The following VAMP4 variants were observed in gnomAD, a reference collection of about 807,000 sequenced individuals.
The protein encoded by VAMP4 is vesicle-associated membrane protein 4.
Under a neutral mutation model 23.5 loss-of-function variants are expected in VAMP4, and 19 were observed. That is an observed-to-expected ratio of 0.81 (90% CI 0.56 to 1.19). The LOEUF (loss-of-function observed/expected upper bound fraction) is 1.19, where lower values mean the gene tolerates loss of function less well. VAMP4 is among the 50% of genes most tolerant of loss of function. The pLI, the probability that VAMP4 is intolerant of heterozygous loss-of-function variation, is 0.00. For synonymous variants in VAMP4, 31 were observed against 51.0 expected (o/e 0.61, Z 1.67); for missense variants, 145 against 168.6 (o/e 0.86, Z 0.78).
At chr1:171,715,365 C>A (rs559026000) in intron 4 of VAMP4, among the ~76,000 whole-genome samples, 4 of 152,086 alleles carry the variant, frequency 2.6e-5, no homozygotes, top group African/African-American at 9.7e-5. Flanking sequence ...TAGAGTCTGA[C>A]GGCACCTGTA....
rs189287642 is a variant in VAMP4 at position 171,723,406 on chromosome 1, A to G, written c.114-4185T>C. ...TTATTTCATCCCTTATCTGCAACAT[A>G]TAAGACACACATTCCCAGAGCAGCC... On this transcript the variant is annotated intron_variant, in intron 3 of 7. Coordinates refer to ENST00000236192, the MANE Select transcript of VAMP4 (RefSeq NM_003762.5). Among the ~76,000 whole-genome samples, 81 of 152,352 alleles carry G rather than the reference A, an allele frequency of 5.3e-4. 1 individual carries two copies. The highest frequency in any genetic ancestry group is 1.9e-3 in the African/African-American group (79 of 41,586).
chr1:171,741,754 C>A (rs1655930609), intron 1 of VAMP4, among the ~76,000 whole-genome samples, 156 bp downstream of exon 1: 1 of 152,232 alleles, frequency 6.6e-6, no homozygotes, highest in African/African-American at 2.4e-5. Context: ...CACCCCCGGC[C>A]CCAACCTTTT....
rs75002037 is a variant in VAMP4 at position 171,712,810 on chromosome 1, T to C, written c.165-1996A>G. 4.5e-4 allele frequency among the ~76,000 whole-genome samples: 68 copies of C among 152,338 alleles called. No homozygotes were observed. In the East Asian group the frequency reaches 0.013, roughly 29 times the overall value. ...CAAATAATGAGAACCTACTATGTACTGTTTTAGGTACTGAGGAAATAACAT... is the reference window on the plus strand; with the variant it reads ...CAAATAATGAGAACCTACTATGTACCGTTTTAGGTACTGAGGAAATAACAT... On this transcript the variant is annotated intron_variant, in intron 4 of 7. Transcript: ENST00000236192.
intron 1 of VAMP4, among the ~76,000 whole-genome samples, chr1:171,741,669 C>A (rs1010127198): frequency 3.3e-5 from 5 of 152,026 alleles, no homozygotes; most frequent in Non-Finnish European, 7.4e-5. Flanking sequence ...CCCAGAGTAC[C>A]CCTCAATTCC....
intron 4 of VAMP4, among the ~76,000 whole-genome samples, chr1:171,713,892 A>G (rs1166292635): frequency 6.6e-6 from 1 of 152,224 alleles, no homozygotes; most frequent in Non-Finnish European, 1.5e-5. Context: ...TAATTGGGAC[A>G]GAACCAATAA....
In VAMP4 at chr1:171,727,685, G is replaced by T. The variant is rs1219043916; in HGVS notation, c.113+839C>A. ...CTTTATATGTAAAAGCCAAAAAGTA[G>T]AAACAACCCAAAAATCCACACATAA... On this transcript the variant is annotated intron_variant, in intron 3 of 7. Transcript: ENST00000236192. Among the ~76,000 whole-genome samples, 3 of 152,058 alleles carry T rather than the reference G, an allele frequency of 2.0e-5. No individual in the cohort carries two copies. In the East Asian group the frequency reaches 5.8e-4, roughly 29 times the overall value.
At chr1:171,739,282 AG>A (rs1433982620) in intron 1 of VAMP4, among the ~76,000 whole-genome samples, 1 of 152,178 alleles carries the variant, frequency 6.6e-6, no homozygotes, top group Non-Finnish European at 1.5e-5. Context: ...ATGCCTACTA[AG>A]GAAGACTCCA....
intron 6 of VAMP4, 25 bp from the exon 7 acceptor site, chr1:171,706,443 T>TATTA: frequency 1.9e-6 from 3 of 1,592,666 alleles, no homozygotes; most frequent in Non-Finnish European, 2.6e-6. Context: ...AGGGCATATA[T>TATTA]ATTAATATTT....
intron 1 of VAMP4, among the ~76,000 whole-genome samples, chr1:171,741,316 T>C (rs1379496864): frequency 6.6e-6 from 1 of 152,214 alleles, no homozygotes; most frequent in Non-Finnish European, 1.5e-5. Flanking sequence ...TTGTCTGTCA[T>C]CAGCCTTCTT....
At chr1:171,723,104 A>T (rs1443240955) in intron 3 of VAMP4, among the ~76,000 whole-genome samples, 4 of 152,154 alleles carry the variant, frequency 2.6e-5, no homozygotes, top group Non-Finnish European at 5.9e-5. Flanking sequence ...AAAACCAGCA[A>T]GATTTTGTTG....
chr1:171,720,564 TAC>T lies in VAMP4; in HGVS notation c.114-1345_114-1344del, dbSNP rs1389342296. Among the ~76,000 whole-genome samples, 38 of 152,044 alleles carry T rather than the reference TAC, an allele frequency of 2.5e-4. 1 individual carries two copies. The highest frequency in any genetic ancestry group is 2.5e-3 in the Admixed American group (38 of 15,258). ...GAGTGAACATCACTACAGACAAATGTACCATGGTTATATAAGATTTATTAACA... is the reference window on the plus strand; with the variant it reads ...GAGTGAACATCACTACAGACAAATGTCATGGTTATATAAGATTTATTAACA... On this transcript the variant is annotated intron_variant, in intron 3 of 7. Transcript: ENST00000236192.
intron 4 of VAMP4, among the ~76,000 whole-genome samples, chr1:171,713,705 G>A (rs1437668831): frequency 1.3e-5 from 2 of 152,058 alleles, no homozygotes; most frequent in Non-Finnish European, 1.5e-5. Context: ...ATGGTGGCAT[G>A]TGCCTGTGGT....
At chr1:171,708,104 G>C (rs1199780222) in intron 6 of VAMP4, among the ~76,000 whole-genome samples, 1 of 152,038 alleles carries the variant, frequency 6.6e-6, no homozygotes, top group Non-Finnish European at 1.5e-5. Flanking sequence ...TTCAAGACCA[G>C]CCTGGCCAAC....
chr1:171,703,315 T>C lies in VAMP4; in HGVS notation c.*1191A>G, dbSNP rs903019711. On this transcript the variant is annotated 3_prime_UTR_variant, in exon 8 of 8. Coordinates refer to ENST00000236192, the MANE Select transcript of VAMP4 (RefSeq NM_003762.5). Reference sequence around the variant, plus strand: ...GCATATTTTAAAGTTAACACATTTTTTCATTATAAAAACAGGCTTAGGTTA... The same window carrying C: ...GCATATTTTAAAGTTAACACATTTTCTCATTATAAAAACAGGCTTAGGTTA... The C allele has an allele frequency of 2.0e-5, 3 of 150,390 alleles. No homozygotes were observed. The highest frequency in any genetic ancestry group is 6.7e-5 in the Admixed American group (1 of 15,010). 9.3% of individuals were successfully genotyped at this position (150,390 alleles called of 1,614,324 possible).
At chr1:171,737,082 TA>T (rs1390848236) in intron 2 of VAMP4, among the ~76,000 whole-genome samples, 1 of 152,206 alleles carries the variant, frequency 6.6e-6, no homozygotes, top group Non-Finnish European at 1.5e-5. Context: ...AAAAGAAACT[TA>T]TGACTAAAAG....
intron 4 of VAMP4, among the ~76,000 whole-genome samples, chr1:171,717,526 G>A (rs759005391): frequency 6.6e-6 from 1 of 152,094 alleles, no homozygotes; most frequent in South Asian, 2.1e-4. Flanking sequence ...ACTTTCTGCA[G>A]GCTCTATGTG....
intron 5 of VAMP4, among the ~76,000 whole-genome samples, chr1:171,710,503 T>A (rs1654816590): frequency 6.6e-6 from 1 of 152,110 alleles, no homozygotes; most frequent in Non-Finnish European, 1.5e-5. Flanking sequence ...AATGAAATTT[T>A]AAATTCTTCA....
intron 3 of VAMP4, among the ~76,000 whole-genome samples, chr1:171,721,420 A>C (rs1369675637): frequency 6.6e-6 from 1 of 152,186 alleles, no homozygotes; most frequent in East Asian, 1.9e-4. Flanking sequence ...GGATATATAA[A>C]AACACTACTA....
intron 3 of VAMP4, among the ~76,000 whole-genome samples, chr1:171,724,433 T>C (rs2124857374): frequency 6.6e-6 from 1 of 152,198 alleles, no homozygotes; most frequent in Non-Finnish European, 1.5e-5. Flanking sequence ...GTAACAAACC[T>C]GCACACTGTG....
Sources: gnomAD v4.1 joint callset for allele counts (sites outside exome capture counted in the v4.1 genomes callset) on GRCh38, gnomAD v4.1.1 for gene constraint, MANE v1.5 for transcripts, NCBI Gene and HGNC (gene_info 2026-07-23, HGNC 2026-07-21) for gene names.